The following ZNF33B variants were observed in gnomAD, a reference collection of about 807,000 sequenced individuals.
ZNF33B encodes the protein zinc finger protein 33B.
ZNF33B carries 29 observed loss-of-function variants against 45.8 expected under a neutral mutation model. That is an observed-to-expected ratio of 0.63 (90% CI 0.47 to 0.86). The LOEUF is 0.86. ZNF33B is among the 40% of genes least tolerant of loss of function. The pLI is 0.00. For synonymous variants in ZNF33B, 305 were observed against 307.8 expected (o/e 0.99, Z 0.10); for missense variants, 831 against 909.9 (o/e 0.91, Z 1.12).
At chr10:42,631,750 T>A (rs1839064024) in intron 4 of ZNF33B, 179 bp downstream of exon 4, 5 of 572,966 alleles carry the variant, frequency 8.7e-6, no homozygotes, top group Non-Finnish European at 1.6e-5. Context: ...AAAGGAAAAA[T>A]TTTTTGTGAG....
chr10:42,598,442 A>C (rs557561799), intron 4 of ZNF33B, among the ~76,000 whole-genome samples: 1 of 152,300 alleles, frequency 6.6e-6, no homozygotes, highest in East Asian at 1.9e-4. Flanking sequence ...CAATTCCAGA[A>C]CACTCCCAGG....
chr10:42,603,615 T>G (rs1837719471), intron 4 of ZNF33B, among the ~76,000 whole-genome samples: 1 of 152,124 alleles, frequency 6.6e-6, no homozygotes, highest in Non-Finnish European at 1.5e-5. Context: ...ACTCAAAGCC[T>G]CAAAGACAGC....
exon 2 of ZNF33B, chr10:42,574,515 CTTTTT>C (rs1836719364): frequency 6.6e-6 from 1 of 152,090 alleles, no homozygotes; most frequent in African/African-American, 2.4e-5. Context: ...TTTGCCTTCC[CTTTTT>C]TATGTTACCC....
intron 4 of ZNF33B, among the ~76,000 whole-genome samples, chr10:42,626,896 C>T (rs1174112451): frequency 2.0e-5 from 3 of 151,860 alleles, no homozygotes; most frequent in Non-Finnish European, 4.4e-5. Flanking sequence ...CAAATTAAGT[C>T]AACTTTTATG....
intron 4 of ZNF33B, among the ~76,000 whole-genome samples, chr10:42,610,083 GA>G (rs916226580): frequency 5.4e-5 from 8 of 147,004 alleles, no homozygotes; most frequent in East Asian, 2.0e-4. Flanking sequence ...AATTCAGATT[GA>G]AAAAAAAAAG....
chr10:42,607,058 G>C (rs1837891179), intron 4 of ZNF33B, among the ~76,000 whole-genome samples: 1 of 151,990 alleles, frequency 6.6e-6, no homozygotes, highest in Admixed American at 6.6e-5. Context: ...TTTCAGATTT[G>C]GGATGCTCAG....
chr10:42,634,010 T>C (rs1254918117), intron 2 of ZNF33B, among the ~76,000 whole-genome samples: 2 of 150,016 alleles, frequency 1.3e-5, no homozygotes, highest in Non-Finnish European at 3.0e-5. Context: ...AGATCAAGAA[T>C]GAAACAAGGA....
At chr10:42,584,645 C>T (rs1406457354), downstream of ZNF33B, among the ~76,000 whole-genome samples, 3 of 152,074 alleles carry the variant, frequency 2.0e-5, no homozygotes, top group East Asian at 1.9e-4. Context: ...CTCAGCCTCC[C>T]GAGTAGCTGG....
At chr10:42,608,130 A>G (rs940739613) in intron 4 of ZNF33B, among the ~76,000 whole-genome samples, 1 of 152,232 alleles carries the variant, frequency 6.6e-6, no homozygotes, top group African/African-American at 2.4e-5. Flanking sequence ...TATAACAATA[A>G]AAGGGTCAAT....
downstream of ZNF33B, among the ~76,000 whole-genome samples, chr10:42,585,031 GAA>G (rs1836903537): frequency 6.6e-6 from 1 of 152,228 alleles, no homozygotes; most frequent in African/African-American, 2.4e-5. Context: ...TCCTCACGAT[GAA>G]GTAGTAGTGT....
chr10:42,601,905 ATTCT>A (rs1297658373), intron 4 of ZNF33B, among the ~76,000 whole-genome samples: 1 of 123,796 alleles, frequency 8.1e-6, no homozygotes, highest in African/African-American at 3.1e-5. Flanking sequence ...TCTATGTGAT[ATTCT>A]TTTTTTTTTT....
chr10:42,577,448 C>A (rs1294877460), intron 1 of ZNF33B, among the ~76,000 whole-genome samples: 1 of 152,220 alleles, frequency 6.6e-6, no homozygotes, highest in Non-Finnish European at 1.5e-5. Context: ...TCAGCAAGTT[C>A]TCTATGTCCA....
chr10:42,625,038 T>TTATATATATATATATATATA (rs58614890), intron 4 of ZNF33B, among the ~76,000 whole-genome samples: 2 of 145,560 alleles, frequency 1.4e-5, no homozygotes, highest in Admixed American at 6.9e-5. Context: ...GTTTCATATT[T>TTATATATATATATATATATA]TATATATATA....
At chr10:42,623,533 ATGAAAGC>A (rs1197786556) in intron 4 of ZNF33B, among the ~76,000 whole-genome samples, 1 of 152,250 alleles carries the variant, frequency 6.6e-6, no homozygotes, top group East Asian at 1.9e-4. Context: ...TACAATACAG[ATGAAAGC>A]TGAAAGCATC....
chr10:42,614,967 A>G (rs1838251425), intron 4 of ZNF33B, among the ~76,000 whole-genome samples: 1 of 152,178 alleles, frequency 6.6e-6, no homozygotes, highest in African/African-American at 2.4e-5. Flanking sequence ...AGAAAAAAAA[A>G]AAGACATTCA....
At chr10:42,621,883 A>AAGC (rs1338582288) in intron 4 of ZNF33B, among the ~76,000 whole-genome samples, 1 of 152,204 alleles carries the variant, frequency 6.6e-6, no homozygotes. Context: ...ATCCATTGCA[A>AAGC]AGGAAGACAT....
downstream of ZNF33B, among the ~76,000 whole-genome samples, chr10:42,587,161 G>C (rs1031755638): frequency 2.6e-5 from 4 of 152,246 alleles, no homozygotes; most frequent in African/African-American, 9.6e-5. Context: ...ACCTTTGCAA[G>C]CTGTTGCACT....
In ZNF33B at chr10:42,632,386, G is replaced by A. The variant is rs1839102107; in HGVS notation, c.63C>T (p.Phe21=). 7 of 1,613,946 alleles carry A rather than the reference G, an allele frequency of 4.3e-6. No homozygotes were observed. Among genetic ancestry groups the A allele is most frequent in the Admixed American group, 1.7e-5 (1 of 59,968 alleles). Residue 21 remains phenylalanine (F), a synonymous_variant, in exon 3 of 5, where the codon TTC becomes TTT. Transcript: ENST00000359467. ...CCAGGTGCTGCCACTCCTCCTGGGT[G>A]AAGCCCACAGTCACATCTTTAAATG... ...SVSFKDVTVG[F]TQEEWQHLDP...
chr10:42,589,059 C>T (rs1158975380), downstream of ZNF33B: 17 of 337,358 alleles, frequency 5.0e-5, no homozygotes, highest in South Asian at 1.2e-4. Context: ...GTCAGAAACA[C>T]ACGACTAACA....
Sources: gnomAD v4.1 joint callset for allele counts (sites outside exome capture counted in the v4.1 genomes callset) on GRCh38, gnomAD v4.1.1 for gene constraint, MANE v1.5 for transcripts, NCBI Gene and HGNC (gene_info 2026-07-23, HGNC 2026-07-21) for gene names.